Variants in LAMB2 observed in about 807,000 individuals in gnomAD.
LAMB2 encodes laminin subunit beta 2.
LAMB2 carries 119 observed loss-of-function variants against 202.7 expected under a neutral mutation model. The observed-to-expected ratio is 0.59, with a 90% confidence interval of 0.51 to 0.68. The LOEUF is 0.68. Ranked by LOEUF, LAMB2 falls within the 30% of genes least tolerant of loss-of-function variation. The pLI is 0.00. For synonymous variants in LAMB2, 818 were observed against 902.2 expected, an observed-to-expected ratio of 0.91 and a Z score of 1.67; for missense variants, 2,124 against 2,410.6, an observed-to-expected ratio of 0.88 and a Z score of 2.49.
chr3:49,123,822 G>A lies in LAMB2; in HGVS notation c.3703C>T (p.Gln1235Ter). ...GAFESSFWHM[Q>*]EKLGIVQGIV... The stretch of plus-strand genomic sequence containing the variant: ...CCCTGCACAATGCCCAGCTTCTCCT[G>A]CATGTGCCAGAAGCTGCTCTCAAAG... The change falls in exon 24 of 32, where the codon CAG becomes TAG. Residue 1235 changes from glutamine to a stop codon, truncating the protein, a stop_gained. Transcript: ENST00000305544. LOFTEE classifies it high-confidence loss of function. 6.2e-7 allele frequency: 1 copy of A among 1,613,280 alleles called. No individual in the cohort carries two copies. The highest frequency in any genetic ancestry group is 8.5e-7 in the Non-Finnish European group (1 of 1,179,920).
At position 49,131,986 on chromosome 3, in the gene LAMB2, A is replaced by C. The variant is rs2045486718; in HGVS notation, c.459+130T>G. ...GTGCAAAGGCCTGGAGGCAAATGGA[A>C]GGTGTGAAGGGATGAAGGAGCCTCC... On this transcript the variant is annotated intron_variant, in intron 4 of 31. Transcript: ENST00000305544. This position sits in a 1 kb window ranked among gnomAD's most constrained non-coding sequence, Gnocchi z 5.0. 3 of 958,452 alleles carry C rather than the reference A, an allele frequency of 3.1e-6. No individual in the cohort carries two copies. The highest frequency in any genetic ancestry group is 5.0e-6 in the Non-Finnish European group (3 of 595,148). The allele number at this position is 958,452 out of a possible 1,614,324, so 59.4% of individuals were successfully genotyped here.
intron 13 of LAMB2, 97 bp from the exon 14 acceptor site, chr3:49,128,916 T>C (rs2045450980): frequency 1.9e-6 from 3 of 1,596,812 alleles, no homozygotes; most frequent in South Asian, 2.2e-5. Flanking sequence ...CAAAGCTAGA[T>C]ATCACCCCTA....
chr3:49,130,095 G>T lies in LAMB2; in HGVS notation c.1226-77C>A. On this transcript the variant is annotated intron_variant, in intron 9 of 31. Coordinates refer to ENST00000305544, the MANE Select transcript of LAMB2 (RefSeq NM_002292.4). This position sits in a 1 kb window ranked among gnomAD's most constrained non-coding sequence, Gnocchi z 5.0. ...TGCCAGTCCTCTCCTAAGCCTAAGG[G>T]ATCCCACCCTGGATCCCTGGTCAAG... is the stretch of plus-strand genomic sequence containing the variant. The T allele has an allele frequency of 6.3e-7, 1 of 1,585,026 alleles. No individual in the cohort carries two copies. Among genetic ancestry groups the T allele is most frequent in the South Asian group, 1.1e-5 (1 of 90,348 alleles).
rs748400814 is a variant in LAMB2 at position 49,130,165 on chromosome 3, C to T, written c.1225+66G>A. 383 of 1,597,554 alleles carry T rather than the reference C, an allele frequency of 2.4e-4. No homozygotes were observed. Among genetic ancestry groups the T allele is most frequent in the Non-Finnish European group, 3.0e-4 (345 of 1,168,016 alleles). On this transcript the variant is annotated intron_variant, in intron 9 of 31. Coordinates refer to ENST00000305544, the MANE Select transcript of LAMB2 (RefSeq NM_002292.4). This position sits in a 1 kb window ranked among gnomAD's most constrained non-coding sequence, Gnocchi z 5.0. Reference sequence around the variant, plus strand: ...CCCCAATTTCCTGCAATTTAGACAGCAGTCCAGCTCTCTAGTTCCTGCCCC... The same window carrying T: ...CCCCAATTTCCTGCAATTTAGACAGTAGTCCAGCTCTCTAGTTCCTGCCCC...
rs374219545 is a variant in LAMB2, at chr3:49,126,451, A to G, written c.2065T>C (p.Tyr689His). Residue 689 changes from tyrosine to histidine, a missense_variant, in exon 16 of 32, where the codon TAC becomes CAC. Physicochemically the swap from Tyr to His is moderately conservative, Grantham distance 83 (BLOSUM62 2). Transcript: ENST00000305544. ...CGTACCAGCTTCAGATGCAGCTTGTAGGAGATACCAGGCTCAAGGCAGACA... is the reference window on the plus strand; with the variant it reads ...CGTACCAGCTTCAGATGCAGCTTGTGGGAGATACCAGGCTCAAGGCAGACA... ...NPVCLEPGISYKLHLKLVRTG... is the reference protein window; with the variant it reads ...NPVCLEPGISHKLHLKLVRTG... The G allele has an allele frequency of 1.2e-6, 2 of 1,614,146 alleles. No individual in the cohort carries two copies. Among genetic ancestry groups the G allele is most frequent in the Non-Finnish European group, 1.7e-6 (2 of 1,180,008 alleles).
rs1439858519 is a variant in LAMB2, at chr3:49,129,385, A to G, written c.1519-61T>C. ...CCTCCAGACCCCATCACCACCCAGC[A>G]GGAAATCCCAACCACACGTCTTAGC... On this transcript the variant is annotated intron_variant, in intron 11 of 31. Transcript: ENST00000305544. The surrounding 1 kb of genome is among the most constrained non-coding windows in gnomAD (Gnocchi z 6.1). 1.4e-6 allele frequency: 2 copies of G among 1,454,922 alleles called. No homozygotes were observed. Among genetic ancestry groups the G allele is most frequent in the Non-Finnish European group, 1.9e-6 (2 of 1,045,786 alleles). 90.1% of individuals were successfully genotyped at this position (1,454,922 alleles called of 1,614,324 possible). A position where few individuals can be genotyped will look rare whatever the true frequency, so the allele number is the denominator to read the frequency against.
Position 49,124,005 on chromosome 3 carries a change from C to T in LAMB2, c.3520G>A (p.Asp1174Asn). 1 of 1,613,540 alleles carries T rather than the reference C, an allele frequency of 6.2e-7. No individual in the cohort carries two copies. Among genetic ancestry groups the T allele is most frequent in the East Asian group, 2.2e-5 (1 of 44,888 alleles). Residue 1174 changes from aspartate to asparagine, a missense_variant, in exon 24 of 32, where the codon GAC becomes AAC. By Grantham distance (23) the Asp-to-Asn change is conservative. Around this residue, in one of 3 missense-constraint regions of LAMB2, gnomAD observed 1,702 missense variants for 1,896.3 expected, o/e 0.90. Transcript: ENST00000305544. ...CCTGAGAAGCCACGGGCACACTGGT[C>T]ACAGCGCACACCAGACACCCCTGGG... ...CRPGVSGVRCDQCARGFSGIF... is the reference protein window; with the variant it reads ...CRPGVSGVRCNQCARGFSGIF...
At position 49,124,776 on chromosome 3, in the gene LAMB2, G is replaced by A. The variant is rs770581372; in HGVS notation, c.3034C>T (p.His1012Tyr). The A allele has an allele frequency of 2.5e-6, 4 of 1,614,206 alleles. No homozygotes were observed. Among genetic ancestry groups the A allele is most frequent in the Non-Finnish European group, 3.4e-6 (4 of 1,180,044 alleles). The stretch of plus-strand genomic sequence containing the variant: ...GCACAGTGTGGACCCTCTGTGTGGT[G>A]TAAACAGCGCAGGCATTGCCCCGTG... ...PHTGQCLRCL[H>Y]HTEGPHCAHC... The change falls in exon 21 of 32, where the codon CAC (histidine) becomes TAC (tyrosine). Residue 1012 changes from histidine to tyrosine, a missense_variant. Physicochemically the swap from His to Tyr is moderately conservative, Grantham distance 83 (BLOSUM62 2). Around this residue, in one of 3 missense-constraint regions of LAMB2, gnomAD observed 1,702 missense variants for 1,896.3 expected, o/e 0.90. Transcript: ENST00000305544.
rs760873985 is a variant in LAMB2, at chr3:49,121,760, G to T, written c.5024C>A (p.Ala1675Glu). Residue 1675 changes from alanine (A) to glutamate (E), a missense_variant, in exon 30 of 32, where the codon GCA becomes GAA. Around this residue, in one of 3 missense-constraint regions of LAMB2, gnomAD observed 1,702 missense variants for 1,896.3 expected, o/e 0.90. Transcript: ENST00000305544. ...ALLEALKLKR[A>E]GNSLAASTAE... ...TGTAGAGGCTGCCAGACTATTTCCT[G>T]CCCGTTTCAATTTCAGAGCCTCCAG... is the stretch of plus-strand genomic sequence containing the variant. 1 of 1,613,588 alleles carries T rather than the reference G, an allele frequency of 6.2e-7. No homozygotes were observed. The highest frequency in any genetic ancestry group is 2.2e-5 in the East Asian group (1 of 44,870).
chr3:49,128,732 T>C lies in LAMB2; in HGVS notation c.1819A>G (p.Thr607Ala), dbSNP rs1267052286. The C allele has an allele frequency of 5.6e-6, 9 of 1,613,942 alleles. No homozygotes were observed. Among genetic ancestry groups the C allele is most frequent in the Admixed American group, 1.7e-5 (1 of 60,004 alleles). ...ACAGAGGCCACCAGGAACTCCAGGG[T>C]CTGACCTTCCTGTAGCCGCACGAAG... ...SGFVRLQEGQTLEFLVASVPK... is the reference protein window; with the variant it reads ...SGFVRLQEGQALEFLVASVPK... The change falls in exon 14 of 32, where the codon ACC becomes GCC. Residue 607 changes from threonine to alanine, a missense_variant. Physicochemically the swap from Thr to Ala is moderately conservative, Grantham distance 58 (BLOSUM62 0). Around this residue, in one of 3 missense-constraint regions of LAMB2, gnomAD observed 1,702 missense variants for 1,896.3 expected, o/e 0.90. Transcript: ENST00000305544.
In LAMB2 at chr3:49,132,730, G is replaced by A. The variant is rs2045496226; in HGVS notation, c.76+62C>T. The A allele has an allele frequency of 1.9e-6, 3 of 1,613,628 alleles. No homozygotes were observed. The highest frequency in any genetic ancestry group is 2.2e-5 in the South Asian group (2 of 91,046). On this transcript the variant is annotated intron_variant, in intron 1 of 31. Transcript: ENST00000305544. The surrounding 1 kb of genome is among the most constrained non-coding windows in gnomAD (Gnocchi z 4.6). The stretch of plus-strand genomic sequence containing the variant: ...AGTGGCTCCACCTCATGTGCCCCAA[G>A]GGCAACTACCAGGACCTACCATCAC...
rs755734241 is a variant in LAMB2, at chr3:49,132,488, C to A, written c.249+3G>T. 2.8e-5 allele frequency: 45 copies of A among 1,613,928 alleles called. No homozygotes were observed. The highest frequency in any genetic ancestry group is 3.4e-5 in the Non-Finnish European group (40 of 1,180,016). ...CGGCGTCACACCCTGTCCCCAGCCA[C>A]ACCTGCAGGTGACTGACGATGCAGT... is the stretch of plus-strand genomic sequence containing the variant. On this transcript the variant is annotated splice_donor_region_variant and intron_variant, in intron 2 of 31. Coordinates refer to ENST00000305544, the MANE Select transcript of LAMB2 (RefSeq NM_002292.4). This position sits in a 1 kb window ranked among gnomAD's most constrained non-coding sequence, Gnocchi z 4.6.
rs748516686 is a variant in LAMB2 at position 49,131,509 on chromosome 3, C to T, written c.648+26G>A. On this transcript the variant is annotated intron_variant, in intron 5 of 31. Coordinates refer to ENST00000305544, the MANE Select transcript of LAMB2 (RefSeq NM_002292.4). The surrounding 1 kb of genome is among the most constrained non-coding windows in gnomAD (Gnocchi z 5.0). Reference sequence around the variant, plus strand: ...CAGGCCCATCATCCCCAGCTTCCAGCCCCCAGCCCAGATGCCAGCCCTCAC... The same window carrying T: ...CAGGCCCATCATCCCCAGCTTCCAGTCCCCAGCCCAGATGCCAGCCCTCAC... 2.6e-5 allele frequency: 42 copies of T among 1,613,768 alleles called. 3 individuals carry two copies. The highest frequency in any genetic ancestry group is 3.3e-5 in the South Asian group (3 of 91,074).
chr3:49,130,790 C>T lies in LAMB2; in HGVS notation c.986G>A (p.Arg329His), dbSNP rs909274897. The T allele has an allele frequency of 7.3e-5, 118 of 1,614,034 alleles. No homozygotes were observed. The highest frequency in any genetic ancestry group is 8.0e-5 in the African/African-American group (6 of 74,930). ...CTCAGCCGGACGCCAGGGCAGGTCA[C>T]GATAGAAATCCTGACACTGCTCGCA... is the stretch of plus-strand genomic sequence containing the variant. The part of the protein sequence containing the change: ...LNCEQCQDFY[R>H]DLPWRPAEDG... Residue 329 changes from arginine to histidine, a missense_variant, in exon 8 of 32, where the codon CGT becomes CAT. This residue lies in a region of LAMB2 where 256 missense variants were observed against 356.1 expected (regional missense o/e 0.72). Transcript: ENST00000305544. This position sits in a 1 kb window ranked among gnomAD's most constrained non-coding sequence, Gnocchi z 5.0.
chr3:49,130,338 A>G lies in LAMB2; in HGVS notation c.1118T>C (p.Val373Ala), dbSNP rs2045467668. 2.5e-6 allele frequency: 4 copies of G among 1,614,002 alleles called. No homozygotes were observed. In the African/African-American group the frequency reaches 5.3e-5, roughly 22 times the overall value. ...TGTGTTATGCTGACATCCATCACAC[A>G]CACCTCCACTCACATTGCCAGATGC... Reference protein sequence around the residue: ...YLASGNVSGGVCDGCQHNTAG... With the variant: ...YLASGNVSGGACDGCQHNTAG... Residue 373 changes from valine (V) to alanine (A), a missense_variant, in exon 9 of 32, where the codon GTG becomes GCG. By Grantham distance (64) the Val-to-Ala change is moderately conservative. This residue lies in a region of LAMB2 where 256 missense variants were observed against 356.1 expected (regional missense o/e 0.72). Coordinates refer to ENST00000305544, the MANE Select transcript of LAMB2 (RefSeq NM_002292.4). The surrounding 1 kb of genome is among the most constrained non-coding windows in gnomAD (Gnocchi z 5.0).
rs376983109 is a variant in LAMB2 at position 49,122,704 on chromosome 3, G to A, written c.4573C>T (p.Gln1525Ter). 11 of 1,612,892 alleles carry A rather than the reference G, an allele frequency of 6.8e-6. No homozygotes were observed. In the East Asian group the frequency reaches 8.9e-5, roughly 13 times the overall value. ...GGCCTGGGACACGTGGGAGGCTCAC[G>A]GTTGAGGAAGTCCTTCACACTCTGG... Reference protein sequence around the residue: ...LIQSVKDFLNQEGADPDSIEM... With the variant: ...LIQSVKDFLN Residue 1525 changes from glutamine (Q) to a stop codon, truncating the protein, a stop_gained and splice_region_variant, in exon 27 of 32, where the codon CAG becomes TAG. Transcript: ENST00000305544. LOFTEE classifies it high-confidence loss of function.
Position 49,130,881 on chromosome 3 carries a change from G to T in LAMB2, c.916-21C>A. On this transcript the variant is annotated intron_variant, in intron 7 of 31. Coordinates refer to ENST00000305544, the MANE Select transcript of LAMB2 (RefSeq NM_002292.4). This position sits in a 1 kb window ranked among gnomAD's most constrained non-coding sequence, Gnocchi z 5.0. ...TGCACCTATAGAGGTTGGCAGGTAG[G>T]TTGTCAGCACTGCTCAGCCATGTCC... The T allele has an allele frequency of 1.2e-6, 2 of 1,614,174 alleles. No individual in the cohort carries two copies. Among genetic ancestry groups the T allele is most frequent in the Non-Finnish European group, 1.7e-6 (2 of 1,180,030 alleles).
rs2045379354 is a variant in LAMB2, at chr3:49,123,805, A to G, written c.3720T>C (p.Ile1240=). 6.2e-7 allele frequency: 1 copy of G among 1,613,110 alleles called. No homozygotes were observed. The highest frequency in any genetic ancestry group is 1.3e-5 in the African/African-American group (1 of 74,926). ...TGCGGGCACCTACGATGCCCTGCAC[A>G]ATGCCCAGCTTCTCCTGCATGTGCC... ...SFWHMQEKLG[I]VQGIVGARNT... is the part of the protein sequence containing the mutation. Residue 1240 remains isoleucine (I), a synonymous_variant, in exon 24 of 32, where the codon ATT becomes ATC. Transcript: ENST00000305544.
Position 49,131,570 on chromosome 3 carries a change from G to A in LAMB2, c.613C>T (p.Arg205Cys), listed in dbSNP as rs1308928641. 2.5e-6 allele frequency: 4 copies of A among 1,613,882 alleles called. No individual in the cohort carries two copies. The highest frequency in any genetic ancestry group is 1.7e-5 in the Admixed American group (1 of 60,016). Residue 205 changes from arginine (R) to cysteine (C), a missense_variant, in exon 5 of 32, where the codon CGC becomes TGC. Coordinates refer to ENST00000305544, the MANE Select transcript of LAMB2 (RefSeq NM_002292.4). This position sits in a 1 kb window ranked among gnomAD's most constrained non-coding sequence, Gnocchi z 5.0. ...GTGGATGGCTCAATCTCTGAGTAGCGGGACTCACAGACTACATCATCCCAG... is the reference window on the plus strand; with the variant it reads ...GTGGATGGCTCAATCTCTGAGTAGCAGGACTCACAGACTACATCATCCCAG... ...RHWDDVVCES[R>C]YSEIEPSTEG...
Sources: allele counts gnomAD v4.1 joint callset, GRCh38; gene constraint gnomAD v4.1.1; regional missense constraint gnomAD v4.1.1; non-coding constraint Gnocchi (gnomAD v3.1); transcripts MANE v1.5; gene names NCBI Gene and HGNC (gene_info 2026-07-23, HGNC 2026-07-21).